ASNS: variants seen among roughly 807,000 people sequenced by gnomAD.
The protein encoded by ASNS is asparagine synthetase [glutamine-hydrolyzing].
ASNS carries 37 observed loss-of-function variants against 62.6 expected under a neutral mutation model. The observed-to-expected ratio is 0.59, with a 90% confidence interval of 0.45 to 0.78. The LOEUF (loss-of-function observed/expected upper bound fraction) is 0.78. ASNS is among the 30% of genes least tolerant of loss of function. The probability of loss-of-function intolerance (pLI) is 0.00; values close to 1 mark genes in which losing one functional copy is unlikely to be tolerated. For missense variants in ASNS, 520 were observed against 682.4 expected (o/e 0.76, Z 2.65); for synonymous variants, 207 against 237.9 (o/e 0.87, Z 1.19).
chr7:97,918,263 T>A, the ASNS span, among the ~76,000 whole-genome samples: 1 of 152,160 alleles, frequency 6.6e-6, no homozygotes, highest in African/African-American at 2.4e-5. Flanking sequence ...GCCGGATGAC[T>A]GGATGGAATT....
chr7:97,855,199 A>G, intron 9 of ASNS, 154 bp downstream of exon 9: 1 of 566,906 alleles, frequency 1.8e-6, no homozygotes, highest in Non-Finnish European at 3.1e-6. Flanking sequence ...TTTCTTCCCC[A>G]AGAGATAGAA....
the ASNS span, among the ~76,000 whole-genome samples, chr7:97,899,919 T>C: frequency 4.6e-5 from 7 of 152,228 alleles, no homozygotes; most frequent in Admixed American, 2.0e-4. Flanking sequence ...TTTTTGAATA[T>C]GAAAATATTG....
chr7:97,896,739 C>CATATATATATATATATATAT, the ASNS span, among the ~76,000 whole-genome samples: 148 of 31,916 alleles, frequency 4.6e-3, no homozygotes, highest in South Asian at 8.0e-3. Context: ...CACACACACA[C>CATATATATATATATATATAT]ACATATATAT....
At chr7:97,904,608 C>G in the ASNS span, among the ~76,000 whole-genome samples, 1 of 152,064 alleles carries the variant, frequency 6.6e-6, no homozygotes, top group African/African-American at 2.4e-5. Flanking sequence ...AACATTGCAC[C>G]TCTGCCCCCA....
At chr7:97,870,888 A>G (rs1792223360) in intron 1 of ASNS, among the ~76,000 whole-genome samples, 1 of 152,196 alleles carries the variant, frequency 6.6e-6, no homozygotes. Flanking sequence ...GAGGCATGTA[A>G]AGTACACTTA....
intron 4 of ASNS, chr7:97,863,038 G>A (rs1052949855): frequency 6.6e-6 from 1 of 152,162 alleles, no homozygotes; most frequent in African/African-American, 2.4e-5. Flanking sequence ...TACACTGCTG[G>A]AGTGAATAAA....
chr7:97,889,939 A>AAAAAAAAAAAAAAAC, the ASNS span, among the ~76,000 whole-genome samples: 1 of 149,342 alleles, frequency 6.7e-6, no homozygotes. Context: ...AAAAAAAAAA[A>AAAAAAAAAAAAAAAC]AAAAAAAAAA....
chr7:97,904,750 G>A, the ASNS span, among the ~76,000 whole-genome samples: 1 of 151,682 alleles, frequency 6.6e-6, no homozygotes, highest in African/African-American at 2.4e-5. Context: ...ATACAAAAAT[G>A]TTTTAATAGA....
At chr7:97,873,579 T>TA (rs1323664852), upstream of ASNS, among the ~76,000 whole-genome samples, 1 of 152,248 alleles carries the variant, frequency 6.6e-6, no homozygotes, top group Non-Finnish European at 1.5e-5. Context: ...TGACGTACTT[T>TA]AAACCTGAGA....
chr7:97,876,715 C>T (rs904900622), upstream of ASNS, among the ~76,000 whole-genome samples: 1 of 151,994 alleles, frequency 6.6e-6, no homozygotes, highest in Admixed American at 6.6e-5. Flanking sequence ...CATGAACCAC[C>T]GTGCCCAGCT....
chr7:97,882,068 T>A, the ASNS span, among the ~76,000 whole-genome samples: 1 of 151,958 alleles, frequency 6.6e-6, no homozygotes, highest in Non-Finnish European at 1.5e-5. Context: ...CCCAGGTTGG[T>A]CTCGAACTTC....
chr7:97,862,583 C>T (rs1791774035), intron 4 of ASNS, among the ~76,000 whole-genome samples: 1 of 151,968 alleles, frequency 6.6e-6, no homozygotes, highest in Non-Finnish European at 1.5e-5. Context: ...ATCTATAAAA[C>T]ACAAAGAGTG....
the ASNS span, among the ~76,000 whole-genome samples, chr7:97,893,654 G>T: frequency 6.6e-6 from 1 of 152,226 alleles, no homozygotes; most frequent in Non-Finnish European, 1.5e-5. Context: ...GTAATAAAGG[G>T]ATCAATTCAG....
At chr7:97,904,061 T>C in the ASNS span, among the ~76,000 whole-genome samples, 1 of 152,166 alleles carries the variant, frequency 6.6e-6, no homozygotes, top group Admixed American at 6.5e-5. Context: ...TGGGAAAGAC[T>C]GAAGTAGTGC....
chr7:97,879,934 C>A, the ASNS span, among the ~76,000 whole-genome samples: 1 of 152,166 alleles, frequency 6.6e-6, no homozygotes. Context: ...TCAGTCTCCC[C>A]AGGGAGACCT....
intron 4 of ASNS, among the ~76,000 whole-genome samples, chr7:97,862,587 A>G (rs1398916741): frequency 1.3e-5 from 2 of 152,188 alleles, no homozygotes; most frequent in Non-Finnish European, 2.9e-5. Context: ...ATAAAACACA[A>G]AGAGTGAACC....
intron 7 of ASNS, among the ~76,000 whole-genome samples, chr7:97,857,527 G>C (rs2237287): frequency 6.6e-6 from 1 of 150,542 alleles, no homozygotes; most frequent in East Asian, 2.0e-4. Flanking sequence ...CTATTATTTT[G>C]GTTACATAAA....
the ASNS span, among the ~76,000 whole-genome samples, chr7:97,923,829 C>T: frequency 1.4e-3 from 210 of 152,286 alleles, no homozygotes; most frequent in African/African-American, 4.7e-3. Context: ...ACATATCCCA[C>T]GAATATTCCC....
the ASNS span, among the ~76,000 whole-genome samples, chr7:97,892,562 T>C: frequency 1.3e-5 from 2 of 152,118 alleles, no homozygotes; most frequent in African/African-American, 4.8e-5. Context: ...AAGTCATCTC[T>C]TGAATGCTTT....
Sources: allele counts gnomAD v4.1 joint callset (sites outside exome capture counted in the v4.1 genomes callset), GRCh38; gene constraint gnomAD v4.1.1; transcripts MANE v1.5; gene names NCBI Gene and HGNC (gene_info 2026-07-23, HGNC 2026-07-21).